Variants in SCARB1 observed in about 807,000 individuals in gnomAD.
SCARB1 encodes the protein CD36 and LIMPII analogous 1.
SCARB1 carries 30 observed loss-of-function variants against 57.2 expected under a neutral mutation model. The observed-to-expected ratio is 0.52, with a 90% CI of 0.39 to 0.71. The LOEUF (loss-of-function observed/expected upper bound fraction) is 0.71, where lower values mean the gene tolerates loss of function less well. Ranked by LOEUF, SCARB1 falls within the 30% of genes least tolerant of loss-of-function variation. The pLI is 0.00. For missense variants in SCARB1, 543 were observed against 671.2 expected, an observed-to-expected ratio of 0.81 and a Z score of 2.11; for synonymous variants, 249 against 268.3, an observed-to-expected ratio of 0.93 and a Z score of 0.70.
chr12:124,817,130 G>A lies in SCARB1; in HGVS notation c.284+420C>T, dbSNP rs1280846464. 1.5e-4 allele frequency among the ~76,000 whole-genome samples: 6 copies of A among 38,722 alleles called. No individual in the cohort carries two copies. The Admixed American group carries it at 1.6e-3, about 10-fold the overall frequency. The allele number at this position is 38,722 out of a possible 152,430, so 25.4% of individuals were successfully genotyped here. A position where few individuals can be genotyped will look rare whatever the true frequency, so the allele number is the denominator to read the frequency against. ...TATGTACGTGTGTATGTATGTATGTGTGTATGTGTATGTGTATGTGTGTGT... is the reference window on the plus strand; with the variant it reads ...TATGTACGTGTGTATGTATGTATGTATGTATGTGTATGTGTATGTGTGTGT... On this transcript the variant is annotated intron_variant, in intron 2 of 12. Coordinates refer to ENST00000261693, the MANE Select transcript of SCARB1 (RefSeq NM_005505.5). The surrounding 1 kb of genome is among the most constrained non-coding windows in gnomAD (Gnocchi z 4.8).
intron 11 of SCARB1, chr12:124,785,712 T>A: frequency 4.6e-6 from 1 of 215,788 alleles, no homozygotes; most frequent in Non-Finnish European, 9.2e-6. Flanking sequence ...AAAATATTGA[T>A]GCCGTTTATA....
intron 1 of SCARB1, among the ~76,000 whole-genome samples, chr12:124,861,238 G>A (rs12822440): frequency 0.27 from 41,443 of 152,046 alleles, 6,262 homozygotes; most frequent in Non-Finnish European, 0.34. Flanking sequence ...TCACCTATGC[G>A]CATCCTCCCG....
At chr12:124,827,950 G>C (rs560220199) in intron 1 of SCARB1, among the ~76,000 whole-genome samples, 3 of 152,150 alleles carry the variant, frequency 2.0e-5, no homozygotes. Flanking sequence ...TTGGCGATGT[G>C]TCTGTCCTCA....
intron 8 of SCARB1, among the ~76,000 whole-genome samples, chr12:124,797,893 C>A (rs536561001): frequency 1.3e-5 from 2 of 152,346 alleles, no homozygotes; most frequent in Admixed American, 1.3e-4. Flanking sequence ...TTGTGGCAAA[C>A]GTGTGGAGCT....
At chr12:124,828,052 C>T (rs149409995) in intron 1 of SCARB1, among the ~76,000 whole-genome samples, 3 of 152,080 alleles carry the variant, frequency 2.0e-5, no homozygotes, top group East Asian at 3.9e-4. Flanking sequence ...ATATAATCAA[C>T]GTGGAAATGT....
chr12:124,845,597 G>A (rs1426948090), intron 1 of SCARB1, among the ~76,000 whole-genome samples: 1 of 149,178 alleles, frequency 6.7e-6, no homozygotes, highest in African/African-American at 2.5e-5. Context: ...CCCAGCTACT[G>A]GGGAGGCTGA....
chr12:124,854,422 G>A (rs1050095999), intron 1 of SCARB1, among the ~76,000 whole-genome samples: 4 of 152,206 alleles, frequency 2.6e-5, no homozygotes, highest in Non-Finnish European at 4.4e-5. Flanking sequence ...CCTAGGGGAC[G>A]GGTCTGGCCA....
intron 1 of SCARB1, among the ~76,000 whole-genome samples, chr12:124,836,161 A>G (rs545330506): frequency 6.6e-6 from 1 of 152,350 alleles, no homozygotes; most frequent in African/African-American, 2.4e-5. Context: ...GAAGTGGGGA[A>G]GAGGACACGC....
chr12:124,783,167 G>A (rs570257666), intron 11 of SCARB1: 2 of 248,042 alleles, frequency 8.1e-6, no homozygotes, highest in East Asian at 2.0e-4. Context: ...AGATTGTTCT[G>A]TTAAAATACT....
At chr12:124,801,112 T>C (rs770331913) in intron 7 of SCARB1, among the ~76,000 whole-genome samples, 66 of 152,044 alleles carry the variant, frequency 4.3e-4, no homozygotes, top group Non-Finnish European at 7.4e-4. Flanking sequence ...GGCAGGAAAA[T>C]CGCTTGAGCC....
intron 1 of SCARB1, among the ~76,000 whole-genome samples, chr12:124,837,571 A>C (rs1951729473): frequency 5.5e-5 from 1 of 18,066 alleles, no homozygotes; most frequent in Non-Finnish European, 1.9e-4. Flanking sequence ...AAGAAAAGAA[A>C]AGAAAAGAAA....
chr12:124,792,690 C>G (rs1949774131), intron 9 of SCARB1, among the ~76,000 whole-genome samples: 1 of 133,384 alleles, frequency 7.5e-6, no homozygotes, highest in Non-Finnish European at 1.5e-5. Context: ...CCACTGCACT[C>G]TGGCCTGGGT....
rs570679044 is a variant in SCARB1 at position 124,800,343 on chromosome 12, C to T, written c.1010-101G>A. 1.4e-5 allele frequency: 12 copies of T among 832,356 alleles called. No homozygotes were observed. Among genetic ancestry groups the T allele is most frequent in the Admixed American group, 4.0e-5 (2 of 49,862 alleles). The allele number at this position is 832,356 out of a possible 1,614,324, so 51.6% of individuals were successfully genotyped here. ...AGAGCTGTGGTCTGCAGGGCACCCC[C>T]GTGGCGATGACAAGATAACCAGACA... On this transcript the variant is annotated intron_variant, in intron 7 of 12. Coordinates refer to ENST00000261693, the MANE Select transcript of SCARB1 (RefSeq NM_005505.5). This position sits in a 1 kb window ranked among gnomAD's most constrained non-coding sequence, Gnocchi z 4.8.
intron 1 of SCARB1, among the ~76,000 whole-genome samples, chr12:124,826,935 G>C (rs1353039141): frequency 6.6e-6 from 1 of 152,166 alleles, no homozygotes; most frequent in East Asian, 1.9e-4. Flanking sequence ...AATGATACCT[G>C]CAAACAATCT....
intron 1 of SCARB1, among the ~76,000 whole-genome samples, chr12:124,835,765 C>T (rs753374882): frequency 4.6e-5 from 7 of 152,216 alleles, no homozygotes; most frequent in Admixed American, 2.0e-4. Flanking sequence ...AATCTGTTGA[C>T]AGTATCTTAA....
chr12:124,824,712 T>C (rs1951070575), intron 1 of SCARB1, among the ~76,000 whole-genome samples: 1 of 152,162 alleles, frequency 6.6e-6, no homozygotes, highest in Non-Finnish European at 1.5e-5. Flanking sequence ...CAGTTTCTAA[T>C]CGGGTCAGGT....
Position 124,817,821 on chromosome 12 carries a change from GA to G in SCARB1, c.127-115del. The stretch of plus-strand genomic sequence containing the variant: ...GGCCAGGGAAGGGGCTCCTCGGCGG[GA>G]GCTTGGGATAGGAGGTGGTGGGAAA... On this transcript the variant is annotated intron_variant, in intron 1 of 12. Coordinates refer to ENST00000261693, the MANE Select transcript of SCARB1 (RefSeq NM_005505.5). The surrounding 1 kb of genome is among the most constrained non-coding windows in gnomAD (Gnocchi z 4.8). The G allele has an allele frequency of 8.8e-7, 1 of 1,138,698 alleles. No homozygotes were observed. The allele number at this position is 1,138,698 out of a possible 1,614,324, so 70.5% of individuals were successfully genotyped here.
Position 124,800,053 on chromosome 12 carries a change from G to C in SCARB1, c.1128+71C>G, listed in dbSNP as rs919973511. 30 of 1,147,530 alleles carry C rather than the reference G, an allele frequency of 2.6e-5. No homozygotes were observed. The African/African-American group carries it at 4.4e-4, about 17-fold the overall frequency. The allele number at this position is 1,147,530 out of a possible 1,614,324, so 71.1% of individuals were successfully genotyped here. ...AGCCCACAGCAGCTCTCTGCCTGGGGAGAGAGGAGGCAGCCAGGTGTGCTC... is the reference window on the plus strand; with the variant it reads ...AGCCCACAGCAGCTCTCTGCCTGGGCAGAGAGGAGGCAGCCAGGTGTGCTC... On this transcript the variant is annotated intron_variant, in intron 8 of 12. Coordinates refer to ENST00000261693, the MANE Select transcript of SCARB1 (RefSeq NM_005505.5). The surrounding 1 kb of genome is among the most constrained non-coding windows in gnomAD (Gnocchi z 4.8).
chr12:124,828,958 A>C (rs563677645), intron 1 of SCARB1, among the ~76,000 whole-genome samples: 11 of 152,214 alleles, frequency 7.2e-5, no homozygotes, highest in African/African-American at 2.6e-4. Flanking sequence ...TACACTCTCA[A>C]TCCCAGGGCT....
Sources: gnomAD v4.1 joint callset for allele counts (sites outside exome capture counted in the v4.1 genomes callset) on GRCh38, gnomAD v4.1.1 for gene constraint, Gnocchi (gnomAD v3.1) non-coding constraint, MANE v1.5 for transcripts, NCBI Gene and HGNC (gene_info 2026-07-23, HGNC 2026-07-21) for gene names.